CAPS2: variants seen among roughly 807,000 people sequenced by gnomAD.
The protein encoded by CAPS2 is calcyphosine 2, also known as calcyphosin-2.
Under a neutral mutation model 86.5 loss-of-function variants are expected in CAPS2, and 98 were observed. The ratio of observed to expected loss-of-function variants is 1.13; its 90% CI spans 0.96 to 1.34. The LOEUF (loss-of-function observed/expected upper bound fraction) is 1.34, where lower values mean the gene tolerates loss of function less well. Ranked by LOEUF, CAPS2 falls within the 40% of genes most tolerant of loss-of-function variation. The pLI is 0.00. For missense variants in CAPS2, 729 were observed against 686.8 expected (o/e 1.06, Z -0.69); for synonymous variants, 210 against 225.1 (o/e 0.93, Z 0.60).
At position 75,282,305 on chromosome 12, in the gene CAPS2, T is replaced by C. The variant is rs558378225; in HGVS notation, c.1558A>G (p.Ile520Val). Residue 520 changes from isoleucine (I) to valine (V), a missense_variant, in exon 16 of 17, where the codon ATT becomes GTT. Transcript: ENST00000393284. The stretch of plus-strand genomic sequence containing the variant: ...CAGTAACATTTTCTTATGTTTATAA[T>C]AGGCACACTGCCACTTTTGTTGAAA... 35 of 1,608,220 alleles carry C rather than the reference T, an allele frequency of 2.2e-5. No homozygotes were observed. The South Asian group carries it at 3.3e-4, about 15-fold the overall frequency.
chr12:75,288,008 G>C (rs141112148), intron 14 of CAPS2, among the ~76,000 whole-genome samples: 247 of 152,304 alleles, frequency 1.6e-3, no homozygotes, highest in African/African-American at 5.1e-3. Flanking sequence ...CTACAGCTTG[G>C]TATGGGTGGA....
chr12:75,379,410 G>A (rs528694579), intron 1 of CAPS2, among the ~76,000 whole-genome samples: 84 of 152,274 alleles, frequency 5.5e-4, no homozygotes, highest in Non-Finnish European at 9.4e-4. Context: ...CTGGGCCAAG[G>A]ACATGTCTTT....
At chr12:75,311,737 A>AAAAAAAAAAAAAAT (rs2039242613) in intron 7 of CAPS2, among the ~76,000 whole-genome samples, 1 of 132,976 alleles carries the variant, frequency 7.5e-6, no homozygotes, top group African/African-American at 2.8e-5. Flanking sequence ...AAAAAAAAAA[A>AAAAAAAAAAAAAAT]AAAACCTGCC....
In CAPS2 at chr12:75,364,314, T is replaced by TG. The variant is rs373507917; in HGVS notation, c.-395+26523dup. ...AAAAGTAGAGGTCCATTCAGATGGT[T>TG]GGGGGGCTTAGAATTTTAGTTTTGG... On this transcript the variant is annotated intron_variant, in intron 1 of 5. Transcript: ENST00000551829. Among the ~76,000 whole-genome samples the TG allele has an allele frequency of 1.7e-3, 253 of 152,334 alleles. 1 individual carries two copies. The highest frequency in any genetic ancestry group is 5.7e-3 in the African/African-American group (237 of 41,586).
intron 7 of CAPS2, among the ~76,000 whole-genome samples, chr12:75,308,925 G>GAAA (rs56931681): frequency 3.1e-5 from 4 of 130,922 alleles, no homozygotes; most frequent in Admixed American, 7.7e-5. Flanking sequence ...AAAAAAAAAG[G>GAAA]GGGTAAGGAG....
rs1325673816 is a variant in CAPS2, at chr12:75,364,142, T to C, written c.-395+26696A>G. ...TATCAGATTGAAAGAGTCTCTTCTA[T>C]TAGACTTAAGATCTGTATTGGTGTT... On this transcript the variant is annotated intron_variant, in intron 1 of 5. Transcript: ENST00000551829. Among the ~76,000 whole-genome samples, 10 of 152,204 alleles carry C rather than the reference T, an allele frequency of 6.6e-5. No individual in the cohort carries two copies. In the East Asian group the frequency reaches 1.9e-3, roughly 29 times the overall value.
rs1022944359 is a variant in CAPS2, at chr12:75,323,509, C to T, written c.132-287G>A. On this transcript the variant is annotated intron_variant, in intron 2 of 16. Transcript: ENST00000393284. ...CTGTAATCCCAGCACTTTGGGAGGC[C>T]GAGGCAGGCAGATCACCTGAGGTCG... Among the ~76,000 whole-genome samples, 7 of 152,030 alleles carry T rather than the reference C, an allele frequency of 4.6e-5. No individual in the cohort carries two copies. In the South Asian group the frequency reaches 6.2e-4, roughly 14 times the overall value.
intron 5 of CAPS2, among the ~76,000 whole-genome samples, chr12:75,316,678 C>G (rs759769989): frequency 6.6e-6 from 1 of 151,872 alleles, no homozygotes; most frequent in African/African-American, 2.4e-5. Context: ...AACTACTTCC[C>G]CAGAAACAAA....
At chr12:75,374,353 A>C (rs2139744437) in intron 1 of CAPS2, among the ~76,000 whole-genome samples, 1 of 152,292 alleles carries the variant, frequency 6.6e-6, no homozygotes, top group East Asian at 1.9e-4. Flanking sequence ...TCCAAAATCC[A>C]AATAGGCCCT....
At chr12:75,345,180 CTATGAGAGTG>C (rs1162720818) in intron 1 of CAPS2, among the ~76,000 whole-genome samples, 1 of 152,048 alleles carries the variant, frequency 6.6e-6, no homozygotes, top group Non-Finnish European at 1.5e-5. Flanking sequence ...ACTCTCATAA[CTATGAGAGTG>C]TATCAAACTT....
At chr12:75,301,045 A>T (rs937639960) in intron 8 of CAPS2, among the ~76,000 whole-genome samples, 1 of 152,196 alleles carries the variant, frequency 6.6e-6, no homozygotes, top group Non-Finnish European at 1.5e-5. Flanking sequence ...GACAGTACTG[A>T]ATGATCTCAT....
upstream of CAPS2, chr12:75,334,971 A>C: frequency 7.0e-7 from 1 of 1,435,908 alleles, no homozygotes; most frequent in Non-Finnish European, 9.6e-7. Context: ...GATAAATTTC[A>C]CGGACTTAAC....
At chr12:75,385,841 A>T (rs896399315) in intron 1 of CAPS2, among the ~76,000 whole-genome samples, 2 of 152,204 alleles carry the variant, frequency 1.3e-5, no homozygotes, top group African/African-American at 4.8e-5. Flanking sequence ...AATTGGAAAC[A>T]TAATAGCGTT....
At chr12:75,320,662 G>A (rs1432074020) in intron 5 of CAPS2, among the ~76,000 whole-genome samples, 2 of 151,694 alleles carry the variant, frequency 1.3e-5, no homozygotes, top group Non-Finnish European at 1.5e-5. Flanking sequence ...AAAATGCTAA[G>A]CAAATACAAC....
chr12:75,279,093 G>T (rs1216381482), intron 16 of CAPS2, 28 bp from the exon 17 acceptor site: 3 of 1,464,312 alleles, frequency 2.0e-6, no homozygotes, highest in Non-Finnish European at 1.8e-6. Context: ...GTATGAAACA[G>T]TTTCCTGAAA....
intron 1 of CAPS2, among the ~76,000 whole-genome samples, chr12:75,383,910 C>A (rs1170618438): frequency 6.6e-6 from 1 of 152,012 alleles, no homozygotes; most frequent in Admixed American, 6.6e-5. Flanking sequence ...AAATGGCACA[C>A]TTCTAAATAA....
upstream of CAPS2, among the ~76,000 whole-genome samples, chr12:75,333,094 C>T (rs140195299): frequency 8.2e-4 from 125 of 152,230 alleles, no homozygotes; most frequent in East Asian, 0.023. Flanking sequence ...TGGGCCATAC[C>T]TAGGACTTCA....
exon 9 of CAPS2, chr12:75,299,897 G>A: frequency 6.8e-7 from 1 of 1,476,708 alleles, no homozygotes; most frequent in Admixed American, 1.9e-5. Flanking sequence ...AGTTAATGTA[G>A]AATGAGTTCT....
intron 1 of CAPS2, among the ~76,000 whole-genome samples, chr12:75,383,196 G>T (rs1363982325): frequency 6.6e-6 from 1 of 152,030 alleles, no homozygotes; most frequent in African/African-American, 2.4e-5. Context: ...TTTATATGAA[G>T]TATATAATGG....
Sources: gnomAD v4.1 joint callset for allele counts (sites outside exome capture counted in the v4.1 genomes callset) on GRCh38, gnomAD v4.1.1 for gene constraint, MANE v1.5 for transcripts, NCBI Gene and HGNC (gene_info 2026-07-23, HGNC 2026-07-21) for gene names.